The following TADA2A variants were observed in gnomAD, a reference collection of about 807,000 sequenced individuals.
TADA2A encodes the protein transcriptional adapter 2-alpha.
TADA2A carries 38 observed loss-of-function variants against 67.4 expected under a neutral mutation model. That is an observed-to-expected ratio of 0.56 (90% CI 0.44 to 0.74). The LOEUF (loss-of-function observed/expected upper bound fraction) is 0.74. TADA2A is among the 30% of genes least tolerant of loss of function. TADA2A has a pLI of 0.00. For missense variants in TADA2A, 454 were observed against 547.0 expected (o/e 0.83, Z 1.70); for synonymous variants, 192 against 181.6 (o/e 1.06, Z -0.46).
chr17:37,433,878 C>T (rs774845181), intron 4 of TADA2A, among the ~76,000 whole-genome samples: 20 of 151,680 alleles, frequency 1.3e-4, no homozygotes, highest in Admixed American at 3.3e-4. Context: ...CGCTTGAACC[C>T]AGGAGGTGGA....
rs188630265 is a variant in TADA2A at position 37,465,538 on chromosome 17, G to A, written c.820G>A (p.Ala274Thr). The A allele has an allele frequency of 3.3e-5, 54 of 1,614,114 alleles. No homozygotes were observed. Among genetic ancestry groups the A allele is most frequent in the Non-Finnish European group, 2.1e-5 (25 of 1,180,032 alleles). Reference sequence around the variant, plus strand: ...ACATGACAAATTCATTGAAAGCCATGCATGTAGGTGGTTTTTGAGCCTTGA... The same window carrying A: ...ACATGACAAATTCATTGAAAGCCATACATGTAGGTGGTTTTTGAGCCTTGA... ...VEHDKFIESH[A>T]LEFELRREIK... is the part of the protein sequence containing the mutation. The change falls in exon 11 of 16, where the codon GCA becomes ACA. Residue 274 changes from alanine (A) to threonine (T), a missense_variant. Around this residue, in one of 2 missense-constraint regions of TADA2A, gnomAD observed 403 missense variants for 455.5 expected, o/e 0.88. Transcript: ENST00000615182.
At chr17:37,467,282 C>A (rs2053685644) in intron 11 of TADA2A, among the ~76,000 whole-genome samples, 172 bp from the exon 12 acceptor site, 1 of 152,228 alleles carries the variant, frequency 6.6e-6, no homozygotes, top group African/African-American at 2.4e-5. Context: ...GTAGGTTTTC[C>A]TCAGCTCTTG....
chr17:37,465,504 G>A lies in TADA2A; in HGVS notation c.786G>A (p.Gly262=). Residue 262 remains glycine (G), a synonymous_variant, in exon 11 of 16, where the codon GGG becomes GGA. Coordinates refer to ENST00000615182, the MANE Select transcript of TADA2A (RefSeq NM_001166105.3). The part of the protein sequence containing the change: ...ETMRRFARIV[G]PVEHDKFIES... Reference sequence around the variant, plus strand: ...TGAGGCGATTTGCAAGAATTGTGGGGCCAGTGGAACATGACAAATTCATTG... The same window carrying A: ...TGAGGCGATTTGCAAGAATTGTGGGACCAGTGGAACATGACAAATTCATTG... The A allele has an allele frequency of 1.2e-6, 2 of 1,614,126 alleles. No individual in the cohort carries two copies. Among genetic ancestry groups the A allele is most frequent in the Non-Finnish European group, 1.7e-6 (2 of 1,180,020 alleles).
chr17:37,430,988 C>T (rs530016947), intron 4 of TADA2A, among the ~76,000 whole-genome samples: 2 of 152,142 alleles, frequency 1.3e-5, no homozygotes, highest in African/African-American at 4.8e-5. Flanking sequence ...TAGATATATT[C>T]GTAGTACGTG....
At chr17:37,416,599 G>A (rs1365760916) in intron 2 of TADA2A, among the ~76,000 whole-genome samples, 1 of 151,980 alleles carries the variant, frequency 6.6e-6, no homozygotes, top group African/African-American at 2.4e-5. Context: ...ACACATGGTG[G>A]CTCACGCCTG....
intron 5 of TADA2A, among the ~76,000 whole-genome samples, chr17:37,439,184 C>G (rs957366816): frequency 6.6e-6 from 1 of 152,038 alleles, no homozygotes; most frequent in Admixed American, 6.6e-5. Flanking sequence ...TCACTATAAC[C>G]CCGAACTCCT....
rs142394717 is a variant in TADA2A at position 37,476,898 on chromosome 17, A to G, written c.1248A>G (p.Ala416=). The G allele has an allele frequency of 3.7e-6, 6 of 1,614,238 alleles. No individual in the cohort carries two copies. Among genetic ancestry groups the G allele is most frequent in the Non-Finnish European group, 5.1e-6 (6 of 1,180,034 alleles). Residue 416 remains alanine, a synonymous_variant, in exon 16 of 16, where the codon GCA becomes GCG. Transcript: ENST00000615182. ...NKQGGLRLAQ[A]RALIKIDVNK... is the part of the protein sequence containing the mutation. ...AAGGAGGCTTAAGACTGGCGCAGGC[A>G]AGAGCACTCATCAAGATAGATGTGA...
intron 1 of TADA2A, among the ~76,000 whole-genome samples, chr17:37,409,829 CTT>C (rs1262300119): frequency 1.3e-5 from 2 of 151,818 alleles, no homozygotes; most frequent in African/African-American, 4.8e-5. Context: ...TATTTTTTGA[CTT>C]AGTGTAAAAT....
intron 12 of TADA2A, among the ~76,000 whole-genome samples, chr17:37,468,494 G>A (rs1374328847): frequency 6.6e-6 from 1 of 151,960 alleles, no homozygotes; most frequent in Non-Finnish European, 1.5e-5. Flanking sequence ...CAGCTTGCCA[G>A]CTCTGTGATG....
intron 6 of TADA2A, 118 bp from the exon 7 acceptor site, chr17:37,442,446 T>C: frequency 1.3e-6 from 1 of 787,912 alleles, no homozygotes; most frequent in Non-Finnish European, 1.9e-6. Flanking sequence ...TACTTTATCT[T>C]TTTCACATTT....
chr17:37,407,135 C>G (rs1468009515), intron 1 of TADA2A, 186 bp downstream of exon 1: 3 of 144,362 alleles, frequency 2.1e-5, no homozygotes, highest in African/African-American at 7.6e-5. Flanking sequence ...CGGGCCTCGC[C>G]GCTCTGTGGG....
intron 9 of TADA2A, among the ~76,000 whole-genome samples, chr17:37,461,378 G>A (rs1332535394): frequency 6.6e-6 from 1 of 152,144 alleles, no homozygotes; most frequent in East Asian, 1.9e-4. Context: ...TGCATGTCTG[G>A]AGTTAGCTTC....
rs2053949800 is a variant in TADA2A, at chr17:37,479,618, C to T, written c.*2636C>T. 1 of 151,978 alleles carries T rather than the reference C, an allele frequency of 6.6e-6. No individual in the cohort carries two copies. The highest frequency in any genetic ancestry group is 2.1e-4 in the South Asian group (1 of 4,824). The allele number at this position is 151,978 out of a possible 1,614,324, so 9.4% of individuals were successfully genotyped here. On this transcript the variant is annotated 3_prime_UTR_variant, in exon 16 of 16. Transcript: ENST00000615182. The stretch of plus-strand genomic sequence containing the variant: ...CTGAAACTTAATGACATGAATAAAA[C>T]CTGTTTACTGAAATTTTTATTGCAA...
At chr17:37,426,690 C>G in intron 3 of TADA2A, 2 of 156,726 alleles carry the variant, frequency 1.3e-5, no homozygotes, top group Non-Finnish European at 2.5e-5. Context: ...AAAAAAAAAA[C>G]TTGTCAAGAA....
chr17:37,455,308 G>A (rs1365229430), intron 8 of TADA2A, among the ~76,000 whole-genome samples: 1 of 104,824 alleles, frequency 9.5e-6, no homozygotes, highest in Non-Finnish European at 1.8e-5. Context: ...GAGGTCTTCT[G>A]GTTATTAAAA....
chr17:37,474,437 A>G lies in TADA2A; in HGVS notation c.1073-119A>G, dbSNP rs879673890. 4.0e-5 allele frequency: 35 copies of G among 868,772 alleles called. No individual in the cohort carries two copies. The Admixed American group carries it at 9.2e-4, about 23-fold the overall frequency. 53.8% of individuals were successfully genotyped at this position (868,772 alleles called of 1,614,324 possible). ...CTGAGGGAATGGGACAGGATTTCCT[A>G]AGCTGGATATAGTGATCCTATACCT... On this transcript the variant is annotated intron_variant, in intron 14 of 15. Coordinates refer to ENST00000615182, the MANE Select transcript of TADA2A (RefSeq NM_001166105.3).
chr17:37,416,319 C>T (rs758797918), intron 2 of TADA2A, among the ~76,000 whole-genome samples: 11 of 151,726 alleles, frequency 7.2e-5, no homozygotes, highest in Non-Finnish European at 1.2e-4. Flanking sequence ...GGCTTTCCTT[C>T]GTGTTGGCCA....
intron 8 of TADA2A, 70 bp from the exon 9 acceptor site, chr17:37,458,454 C>G: frequency 9.3e-7 from 1 of 1,076,530 alleles, no homozygotes. Flanking sequence ...TTATTTTTGT[C>G]TTGGTTTTAT....
At chr17:37,471,601 G>C (rs2522970) in intron 14 of TADA2A, among the ~76,000 whole-genome samples, 1 of 151,672 alleles carries the variant, frequency 6.6e-6, no homozygotes, top group African/African-American at 2.4e-5. Context: ...TCCGCTTCCC[G>C]GGTTCAAGTG....
Sources: allele counts gnomAD v4.1 joint callset (sites outside exome capture counted in the v4.1 genomes callset), GRCh38; gene constraint gnomAD v4.1.1; regional missense constraint gnomAD v4.1.1; transcripts MANE v1.5; gene names NCBI Gene and HGNC (gene_info 2026-07-23, HGNC 2026-07-21).